The following SLC39A9 variants were observed in gnomAD, a reference collection of about 807,000 sequenced individuals.
SLC39A9 encodes the protein zinc transporter ZIP9.
SLC39A9 carries 14 observed loss-of-function variants against 28.4 expected under a neutral mutation model. That is an observed-to-expected ratio of 0.49 (90% CI 0.33 to 0.77). The LOEUF (loss-of-function observed/expected upper bound fraction) is 0.77, where lower values mean the gene tolerates loss of function less well. SLC39A9 is among the 30% of genes least tolerant of loss of function. The probability of loss-of-function intolerance (pLI) is 0.02; values close to 1 mark genes in which losing one functional copy is unlikely to be tolerated. For synonymous variants in SLC39A9, 119 were observed against 149.6 expected (o/e 0.80, Z 1.49); for missense variants, 283 against 381.1 (o/e 0.74, Z 2.14).
At chr14:69,436,856 T>C (rs1283365895) in intron 2 of SLC39A9, among the ~76,000 whole-genome samples, 1 of 152,148 alleles carries the variant, frequency 6.6e-6, no homozygotes, top group East Asian at 1.9e-4. Flanking sequence ...CCATGTGACT[T>C]GGGCTTCTAT....
chr14:69,420,998 A>G (rs773009684), intron 1 of SLC39A9, among the ~76,000 whole-genome samples: 4 of 152,216 alleles, frequency 2.6e-5, no homozygotes, highest in Non-Finnish European at 5.9e-5. Flanking sequence ...ACTTCTGTCA[A>G]CTTGTCAAAG....
rs1882474480 is a variant in SLC39A9 at position 69,399,089 on chromosome 14, T to A, written c.-281T>A. On this transcript the variant is annotated 5_prime_UTR_variant, in exon 1 of 7. Coordinates refer to ENST00000336643, the MANE Select transcript of SLC39A9 (RefSeq NM_018375.5). The stretch of plus-strand genomic sequence containing the variant: ...TTTCCCCATTGACTTTTCCCATCTC[T>A]GTTAACCCACGAGAATCTAATGACT... The A allele has an allele frequency of 5.0e-6, 2 of 403,268 alleles. No homozygotes were observed. The highest frequency in any genetic ancestry group is 8.8e-6 in the Non-Finnish European group (2 of 226,658). The allele number at this position is 403,268 out of a possible 1,614,324, so 25.0% of individuals were successfully genotyped here. A position where few individuals can be genotyped will look rare whatever the true frequency, so the allele number is the denominator to read the frequency against.
rs201794769 is a variant in SLC39A9 at position 69,412,390 on chromosome 14, A to AAAATAAATAAAT, written c.97-11667_97-11656dup. ...GGCGACAGAGCAAGACTCCATCTCA[A>AAAATAAATAAAT]AAATAAATAAATAAATAAATAAATA... On this transcript the variant is annotated intron_variant, in intron 1 of 6. Coordinates refer to ENST00000336643, the MANE Select transcript of SLC39A9 (RefSeq NM_018375.5). Among the ~76,000 whole-genome samples the AAAATAAATAAAT allele has an allele frequency of 1.6e-3, 225 of 142,260 alleles. 1 individual carries two copies. Among genetic ancestry groups the AAAATAAATAAAT allele is most frequent in the Admixed American group, 5.8e-3 (83 of 14,200 alleles). 93.3% of individuals were successfully genotyped at this position (142,260 alleles called of 152,430 possible).
chr14:69,424,186 T>A lies in SLC39A9; in HGVS notation c.189T>A (p.Tyr63Ter). Residue 63 changes from tyrosine to a stop codon, truncating the protein, a stop_gained, in exon 2 of 7, where the codon TAT becomes TAA. Coordinates refer to ENST00000336643, the MANE Select transcript of SLC39A9 (RefSeq NM_018375.5). LOFTEE classifies it high-confidence loss of function. ...VIVPEGVHAL[Y>*]EDILEGKHHQ... Reference sequence around the variant, plus strand: ...TGCCTGAAGGAGTACATGCCCTTTATGAAGATATTCTTGAGGGTGAGAAAG... The same window carrying A: ...TGCCTGAAGGAGTACATGCCCTTTAAGAAGATATTCTTGAGGGTGAGAAAG... 1 of 1,612,800 alleles carries A rather than the reference T, an allele frequency of 6.2e-7. No homozygotes were observed. Among genetic ancestry groups the A allele is most frequent in the Non-Finnish European group, 8.5e-7 (1 of 1,178,842 alleles).
intron 6 of SLC39A9, among the ~76,000 whole-genome samples, chr14:69,456,088 C>G (rs1428017439): frequency 6.6e-6 from 1 of 152,130 alleles, no homozygotes; most frequent in South Asian, 2.1e-4. Context: ...CAATCAGTTC[C>G]AAGAATATTT....
chr14:69,454,586 C>T (rs1164077605), intron 4 of SLC39A9: 1 of 382,496 alleles, frequency 2.6e-6, no homozygotes, highest in Admixed American at 4.4e-5. Flanking sequence ...TACTCTGGGC[C>T]AGATGCTATG....
At chr14:69,438,941 A>T (rs1884909788) in intron 2 of SLC39A9, among the ~76,000 whole-genome samples, 2 of 152,232 alleles carry the variant, frequency 1.3e-5, no homozygotes, top group Non-Finnish European at 2.9e-5. Flanking sequence ...CAGAACAGTC[A>T]GGCAGACAAA....
rs114056812 is a variant in SLC39A9, at chr14:69,427,659, T to C, written c.205+3457T>C. On this transcript the variant is annotated intron_variant, in intron 2 of 6. Transcript: ENST00000336643. ...TCTATATAGTTTTGCCTTTTCAGAATGTCATAAATGGAATCATGTAACCTT... is the reference window on the plus strand; with the variant it reads ...TCTATATAGTTTTGCCTTTTCAGAACGTCATAAATGGAATCATGTAACCTT... Among the ~76,000 whole-genome samples, 981 of 152,318 alleles carry C rather than the reference T, an allele frequency of 6.4e-3. 6 individuals carry two copies. The highest frequency in any genetic ancestry group is 0.023 in the African/African-American group (937 of 41,562).
intron 3 of SLC39A9, among the ~76,000 whole-genome samples, chr14:69,451,337 C>T (rs763108495): frequency 1.3e-5 from 2 of 152,240 alleles, no homozygotes; most frequent in Non-Finnish European, 2.9e-5. Context: ...ACTTACTTGA[C>T]TGATGTTCAT....
chr14:69,461,003 C>T lies in SLC39A9; in HGVS notation c.*2410C>T, dbSNP rs887863536. On this transcript the variant is annotated 3_prime_UTR_variant, in exon 7 of 7. Transcript: ENST00000336643. The stretch of plus-strand genomic sequence containing the variant: ...GCAGTATTCCAGGAGAGGCCATGTC[C>T]GTGTTCACTTCTTGGCACATTTCAG... 4 of 985,344 alleles carry T rather than the reference C, an allele frequency of 4.1e-6. No homozygotes were observed. The highest frequency in any genetic ancestry group is 4.8e-6 in the Non-Finnish European group (4 of 830,012). The allele number at this position is 985,344 out of a possible 1,614,324, so 61.0% of individuals were successfully genotyped here.
chr14:69,453,823 CTT>C (rs991947542), intron 4 of SLC39A9, among the ~76,000 whole-genome samples: 4 of 152,242 alleles, frequency 2.6e-5, no homozygotes, highest in African/African-American at 9.6e-5. Flanking sequence ...TGATCCATCT[CTT>C]TTGTTTTTGT....
At chr14:69,428,912 T>C (rs1405921039) in intron 2 of SLC39A9, 1 of 152,188 alleles carries the variant, frequency 6.6e-6, no homozygotes, top group Admixed American at 6.5e-5. Flanking sequence ...TTACCCAAAG[T>C]TTTAGCAGAA....
intron 1 of SLC39A9, among the ~76,000 whole-genome samples, chr14:69,410,866 A>G (rs11845201): frequency 4.0e-5 from 6 of 151,334 alleles, no homozygotes; most frequent in Admixed American, 2.6e-4. Flanking sequence ...CACTTTGACT[A>G]CTAAAATGGG....
chr14:69,414,199 C>T (rs1416791885), intron 1 of SLC39A9, among the ~76,000 whole-genome samples: 1 of 152,120 alleles, frequency 6.6e-6, no homozygotes, highest in Non-Finnish European at 1.5e-5. Flanking sequence ...AGTTGTGCAC[C>T]ATCATACTCG....
chr14:69,460,074 C>T lies in SLC39A9; in HGVS notation c.*1481C>T. The T allele has an allele frequency of 1.0e-6, 1 of 982,428 alleles. No homozygotes were observed. The highest frequency in any genetic ancestry group is 5.2e-4 in the Middle Eastern group (1 of 1,906). The allele number at this position is 982,428 out of a possible 1,614,324, so 60.9% of individuals were successfully genotyped here. On this transcript the variant is annotated 3_prime_UTR_variant, in exon 7 of 7. Transcript: ENST00000336643. The stretch of plus-strand genomic sequence containing the variant: ...CATATTTGCCAAAATTTTTGTAAAC[C>T]CTGTCTTGTCAAATAAGTGTATAAT...
intron 3 of SLC39A9, among the ~76,000 whole-genome samples, chr14:69,450,936 A>G (rs1387079891): frequency 1.3e-5 from 2 of 152,188 alleles, no homozygotes; most frequent in African/African-American, 4.8e-5. Context: ...TATTTTCTGC[A>G]GAGTTTTATG....
chr14:69,413,548 G>A (rs1883398580), intron 1 of SLC39A9, among the ~76,000 whole-genome samples: 1 of 151,920 alleles, frequency 6.6e-6, no homozygotes, highest in South Asian at 2.1e-4. Flanking sequence ...AAGAAATAAA[G>A]CTTTATGATG....
intron 6 of SLC39A9, among the ~76,000 whole-genome samples, chr14:69,457,419 T>A (rs1170706403): frequency 6.6e-6 from 1 of 152,034 alleles, no homozygotes; most frequent in Non-Finnish European, 1.5e-5. Flanking sequence ...GCCAGGCTGG[T>A]CTCGAACTCC....
At chr14:69,456,944 T>C (rs1247839685) in intron 6 of SLC39A9, among the ~76,000 whole-genome samples, 1 of 152,238 alleles carries the variant, frequency 6.6e-6, no homozygotes, top group Non-Finnish European at 1.5e-5. Flanking sequence ...CTTCTTTCAG[T>C]GAGCAGTATG....
Sources: gnomAD v4.1 joint callset for allele counts (sites outside exome capture counted in the v4.1 genomes callset) on GRCh38, gnomAD v4.1.1 for gene constraint, MANE v1.5 for transcripts, NCBI Gene and HGNC (gene_info 2026-07-23, HGNC 2026-07-21) for gene names.